The following PDE1A variants were observed in gnomAD, a reference collection of about 807,000 sequenced individuals.
The protein encoded by PDE1A is phosphodiesterase 1A.
In PDE1A, 35 loss-of-function variants were observed where a neutral mutation model predicts 61.7. That is an observed-to-expected ratio of 0.57 (90% CI 0.43 to 0.75). The LOEUF (loss-of-function observed/expected upper bound fraction) is 0.75, where lower values mean the gene tolerates loss of function less well. PDE1A is among the 30% of genes least tolerant of loss of function. The pLI, the probability that PDE1A is intolerant of heterozygous loss-of-function variation, is 0.00. For synonymous variants in PDE1A, 232 were observed against 213.2 expected (o/e 1.09, Z -0.77); for missense variants, 597 against 630.6 (o/e 0.95, Z 0.57).
intron 7 of PDE1A, among the ~76,000 whole-genome samples, chr2:182,206,982 T>C (rs1430102478): frequency 2.0e-5 from 3 of 152,196 alleles, no homozygotes; most frequent in African/African-American, 7.2e-5. Flanking sequence ...AAACCTCTTT[T>C]CTTGATATGT....
chr2:182,676,699 C>T, the PDE1A span, among the ~76,000 whole-genome samples: 1 of 152,102 alleles, frequency 6.6e-6, no homozygotes, highest in Non-Finnish European at 1.5e-5. Context: ...AGCAGCACAT[C>T]AAAAAGTTAA....
At chr2:182,143,474 G>A (rs1690325544), downstream of PDE1A, among the ~76,000 whole-genome samples, 2 of 151,556 alleles carry the variant, frequency 1.3e-5, no homozygotes, top group South Asian at 4.2e-4. Context: ...CAAAAATAAG[G>A]GCTTTCTTTT....
chr2:182,171,814 T>C (rs1393973680), intron 13 of PDE1A, among the ~76,000 whole-genome samples: 1 of 151,298 alleles, frequency 6.6e-6, no homozygotes, highest in African/African-American at 2.4e-5. Flanking sequence ...CCATACCTTG[T>C]ATCCAAAGAC....
At chr2:182,646,390 TCA>T in the PDE1A span, among the ~76,000 whole-genome samples, 390 of 57,110 alleles carry the variant, frequency 6.8e-3, 4 homozygotes, top group South Asian at 0.066. Context: ...AGGTGAAGGT[TCA>T]AAAAAAAAAA....
chr2:182,394,846 C>A (rs1040490557), intron 1 of PDE1A, among the ~76,000 whole-genome samples: 1 of 152,200 alleles, frequency 6.6e-6, no homozygotes, highest in African/African-American at 2.4e-5. Context: ...GCCTTTAGAG[C>A]TGCCTCCACC....
intron 1 of PDE1A, among the ~76,000 whole-genome samples, chr2:182,403,612 A>AAG (rs1465948637): frequency 1.3e-5 from 2 of 151,092 alleles, no homozygotes; most frequent in East Asian, 3.9e-4. Context: ...AAAAAAAAAA[A>AAG]AAGAAAATGT....
At chr2:182,309,272 T>C (rs1295167066) in intron 1 of PDE1A, among the ~76,000 whole-genome samples, 1 of 152,070 alleles carries the variant, frequency 6.6e-6, no homozygotes, top group Non-Finnish European at 1.5e-5. Flanking sequence ...GAAAAATCAG[T>C]GTGTTGTGTT....
At chr2:182,471,548 C>T (rs1054102645) in intron 2 of PDE1A, among the ~76,000 whole-genome samples, 8 of 151,748 alleles carry the variant, frequency 5.3e-5, no homozygotes, top group African/African-American at 1.9e-4. Context: ...GATATACCAA[C>T]CCAATTCCTT....
chr2:182,453,956 T>C (rs1016909228), intron 2 of PDE1A, among the ~76,000 whole-genome samples: 2 of 151,838 alleles, frequency 1.3e-5, no homozygotes, highest in African/African-American at 4.8e-5. Flanking sequence ...GGTATTCAAT[T>C]AGGAAAAGAG....
At chr2:182,487,398 A>G (rs1421196138) in intron 2 of PDE1A, among the ~76,000 whole-genome samples, 1 of 152,184 alleles carries the variant, frequency 6.6e-6, no homozygotes, top group African/African-American at 2.4e-5. Flanking sequence ...GGATCTAACA[A>G]TTCCATTCTT....
At chr2:182,305,796 G>C (rs1343719461) in intron 1 of PDE1A, among the ~76,000 whole-genome samples, 2 of 151,906 alleles carry the variant, frequency 1.3e-5, no homozygotes, top group Non-Finnish European at 2.9e-5. Flanking sequence ...TGAGGTAAAA[G>C]TGATATTATG....
chr2:182,250,663 T>C (rs1691331079), intron 2 of PDE1A, among the ~76,000 whole-genome samples: 1 of 152,156 alleles, frequency 6.6e-6, no homozygotes, highest in African/African-American at 2.4e-5. Flanking sequence ...AGATGACCAT[T>C]GTACATGAGT....
chr2:182,430,835 T>C (rs1379236861), upstream of PDE1A, among the ~76,000 whole-genome samples: 17 of 126,904 alleles, frequency 1.3e-4, no homozygotes, highest in East Asian at 3.2e-3. Flanking sequence ...GAAACCATCA[T>C]TCTCAGTAAA....
At chr2:182,261,659 T>C (rs1204795863) in intron 2 of PDE1A, among the ~76,000 whole-genome samples, 2 of 152,158 alleles carry the variant, frequency 1.3e-5, no homozygotes, top group Non-Finnish European at 2.9e-5. Context: ...AAAAGGGCTA[T>C]ACTTTAGGTA....
intron 2 of PDE1A, among the ~76,000 whole-genome samples, chr2:182,258,735 G>T (rs1692005883): frequency 6.6e-6 from 1 of 152,192 alleles, no homozygotes; most frequent in Non-Finnish European, 1.5e-5. Flanking sequence ...TGCAAGTCTA[G>T]AAGTCTAGAC....
chr2:182,238,137 C>T (rs958720136), intron 3 of PDE1A, among the ~76,000 whole-genome samples: 1 of 151,582 alleles, frequency 6.6e-6, no homozygotes, highest in Non-Finnish European at 1.5e-5. Context: ...GGCAGGGTTG[C>T]GGGTGCCTGT....
At chr2:182,212,811 A>T (rs1412153648) in intron 7 of PDE1A, among the ~76,000 whole-genome samples, 1 of 152,234 alleles carries the variant, frequency 6.6e-6, no homozygotes, top group African/African-American at 2.4e-5. Flanking sequence ...GTCTGAGATC[A>T]AACTGCAAGG....
chr2:182,268,238 C>T (rs1574203679), intron 1 of PDE1A, among the ~76,000 whole-genome samples: 1 of 151,592 alleles, frequency 6.6e-6, no homozygotes, highest in East Asian at 1.9e-4. Flanking sequence ...GGTAGCAAAC[C>T]AAGTTAACAG....
chr2:182,706,740 C>T, the PDE1A span, among the ~76,000 whole-genome samples: 1 of 152,140 alleles, frequency 6.6e-6, no homozygotes, highest in Non-Finnish European at 1.5e-5. Context: ...AGACCAATTA[C>T]ATGCTAGAAA....
Sources: allele counts gnomAD v4.1 joint callset (sites outside exome capture counted in the v4.1 genomes callset), GRCh38; gene constraint gnomAD v4.1.1; transcripts MANE v1.5; gene names NCBI Gene and HGNC (gene_info 2026-07-23, HGNC 2026-07-21).